Variants in CDH18 observed in about 807,000 individuals in gnomAD.
CDH18 encodes cadherin 18.
Under a neutral mutation model 67.9 loss-of-function variants are expected in CDH18, and 31 were observed. That is an observed-to-expected ratio of 0.46 (90% CI 0.34 to 0.62). CDH18 has a LOEUF of 0.62. Among genes scored for constraint, CDH18 ranks in the 20% least tolerant of loss-of-function variants. The pLI is 0.01. For synonymous variants in CDH18, 362 were observed against 347.2 expected (o/e 1.04, Z -0.48); for missense variants, 890 against 975.5 (o/e 0.91, Z 1.17).
At chr5:19,924,874 C>T (rs1373988675) in intron 2 of CDH18, among the ~76,000 whole-genome samples, 15 of 152,058 alleles carry the variant, frequency 9.9e-5, no homozygotes, top group Admixed American at 9.2e-4. Flanking sequence ...GCTTCAACAT[C>T]CTGTGCCCTC....
At chr5:20,536,032 T>G (rs2126569929) in intron 1 of CDH18, among the ~76,000 whole-genome samples, 1 of 152,332 alleles carries the variant, frequency 6.6e-6, no homozygotes, top group African/African-American at 2.4e-5. Context: ...GTCCAGTGTC[T>G]AAAACCAATG....
rs147162791 is a variant in CDH18 at position 20,410,983 on chromosome 5, C to T, written c.-579-155478G>A. 8.6e-5 allele frequency among the ~76,000 whole-genome samples: 13 copies of T among 151,816 alleles called. No homozygotes were observed. In the East Asian group the frequency reaches 2.3e-3, roughly 27 times the overall value. ...TGACACAAACAAGTGAGACGATATC[C>T]CATATTTCTGGATTGTAATACTTAA... On this transcript the variant is annotated intron_variant, in intron 1 of 14. Coordinates refer to the CDH18 transcript ENST00000507958.
intron 1 of CDH18, among the ~76,000 whole-genome samples, chr5:20,493,577 G>C (rs1753723844): frequency 6.6e-6 from 1 of 151,970 alleles, no homozygotes; most frequent in East Asian, 1.9e-4. Flanking sequence ...AGTGACAACA[G>C]GGAAAACTTC....
chr5:19,948,649 C>T (rs577565686), intron 2 of CDH18, among the ~76,000 whole-genome samples: 42 of 152,090 alleles, frequency 2.8e-4, no homozygotes, highest in African/African-American at 7.7e-4. Context: ...TATACATGCA[C>T]GCTCACACAC....
chr5:19,586,524 A>G (rs1223792538), intron 7 of CDH18, among the ~76,000 whole-genome samples: 1 of 152,196 alleles, frequency 6.6e-6, no homozygotes, highest in African/African-American at 2.4e-5. Flanking sequence ...ATGTCCCTAC[A>G]AAGGACACGA....
chr5:19,987,438 C>G (rs1255369044), intron 1 of CDH18, among the ~76,000 whole-genome samples: 1 of 151,808 alleles, frequency 6.6e-6, no homozygotes, highest in Non-Finnish European at 1.5e-5. Context: ...AGGAGCCTAC[C>G]TAATTTCTTT....
intron 5 of CDH18, among the ~76,000 whole-genome samples, chr5:19,618,763 T>G (rs1266514872): frequency 6.6e-6 from 1 of 152,154 alleles, no homozygotes; most frequent in African/African-American, 2.4e-5. Flanking sequence ...AATGTACAAA[T>G]TTGAAATATC....
chr5:20,491,013 G>C (rs940463882), intron 1 of CDH18, among the ~76,000 whole-genome samples: 5 of 152,004 alleles, frequency 3.3e-5, no homozygotes, highest in African/African-American at 1.2e-4. Context: ...GCACTTCAAA[G>C]TGACATTTAT....
chr5:19,779,903 A>G (rs1014321635), intron 3 of CDH18, among the ~76,000 whole-genome samples: 1 of 152,192 alleles, frequency 6.6e-6, no homozygotes, highest in Non-Finnish European at 1.5e-5. Flanking sequence ...ACATAGACTA[A>G]CAAGTTTAGT....
intron 2 of CDH18, among the ~76,000 whole-genome samples, chr5:19,920,893 G>GCGCACACACACACACA (rs1554064294): frequency 9.0e-4 from 132 of 146,206 alleles, no homozygotes; most frequent in African/African-American, 3.3e-3. Flanking sequence ...ACCCACAAGA[G>GCGCACACACACACACA]CACACACACA....
chr5:20,377,451 T>C (rs1334016308), intron 1 of CDH18, among the ~76,000 whole-genome samples: 3 of 152,224 alleles, frequency 2.0e-5, no homozygotes, highest in Non-Finnish European at 4.4e-5. Context: ...AGACATCCCT[T>C]ATACACTAGT....
At position 20,118,942 on chromosome 5, in the gene CDH18, T is replaced by G. The variant is rs139836048; in HGVS notation, c.-517-126928A>C. Reference sequence around the variant, plus strand: ...TAACAGGTAATTTGCATTTATTAGGTGAACAAATCAACCCGTACATGAGCT... The same window carrying G: ...TAACAGGTAATTTGCATTTATTAGGGGAACAAATCAACCCGTACATGAGCT... On this transcript the variant is annotated intron_variant, in intron 2 of 14. Coordinates refer to the CDH18 transcript ENST00000507958. Among the ~76,000 whole-genome samples, 22 of 152,272 alleles carry G rather than the reference T, an allele frequency of 1.4e-4. No homozygotes were observed. The East Asian group carries it at 4.1e-3, about 28-fold the overall frequency.
At chr5:20,539,090 T>C (rs1038127358) in intron 1 of CDH18, among the ~76,000 whole-genome samples, 24 of 151,870 alleles carry the variant, frequency 1.6e-4, no homozygotes, top group African/African-American at 2.9e-4. Flanking sequence ...AGTTTCACCA[T>C]GTTGGCCACG....
At chr5:20,172,223 T>TATATATACAC (rs1554098639) in intron 2 of CDH18, among the ~76,000 whole-genome samples, 1 of 43,922 alleles carries the variant, frequency 2.3e-5, no homozygotes, top group Non-Finnish European at 4.0e-5. Flanking sequence ...TATATATATA[T>TATATATACAC]GTATATATAT....
intron 1 of CDH18, among the ~76,000 whole-genome samples, chr5:20,272,329 G>T (rs577223111): frequency 6.6e-6 from 1 of 152,172 alleles, no homozygotes; most frequent in Middle Eastern, 3.4e-3. Flanking sequence ...GCTTAAGAGA[G>T]AAGGCAGAAT....
At chr5:20,484,968 T>C (rs1753070392) in intron 1 of CDH18, among the ~76,000 whole-genome samples, 1 of 152,092 alleles carries the variant, frequency 6.6e-6, no homozygotes, top group South Asian at 2.1e-4. Flanking sequence ...AAAGAAATGA[T>C]ATATTCTTGA....
At chr5:19,612,128 T>G (rs993798517) in intron 6 of CDH18, among the ~76,000 whole-genome samples, 1 of 152,186 alleles carries the variant, frequency 6.6e-6, no homozygotes, top group African/African-American at 2.4e-5. Flanking sequence ...CCATGAATAC[T>G]TTAAGAATAT....
intron 1 of CDH18, among the ~76,000 whole-genome samples, chr5:20,367,430 T>C (rs575627003): frequency 1.3e-5 from 2 of 152,308 alleles, no homozygotes; most frequent in Admixed American, 6.5e-5. Flanking sequence ...AAAAGGTTGG[T>C]TCCCAGTGTC....
intron 2 of CDH18, among the ~76,000 whole-genome samples, chr5:19,895,200 T>A (rs1789177341): frequency 6.6e-6 from 1 of 152,110 alleles, no homozygotes; most frequent in Non-Finnish European, 1.5e-5. Flanking sequence ...GAACTGAGAT[T>A]CTCCCTGAGA....
Sources: allele counts gnomAD v4.1 joint callset (sites outside exome capture counted in the v4.1 genomes callset), GRCh38; gene constraint gnomAD v4.1.1; transcripts MANE v1.5; gene names NCBI Gene and HGNC (gene_info 2026-07-23, HGNC 2026-07-21).